LRCH1: variants seen among roughly 807,000 people sequenced by gnomAD.
LRCH1 encodes the protein leucine rich repeats and calponin homology domain containing 1.
A neutral mutation model predicts 94.9 loss-of-function variants in LRCH1; 23 were observed. The ratio of observed to expected loss-of-function variants is 0.24; its 90% CI spans 0.17 to 0.34. LRCH1 has a LOEUF of 0.34. Among genes scored for constraint, LRCH1 ranks in the 10% least tolerant of loss-of-function variants. The pLI is 1.00. For synonymous variants in LRCH1, 364 were observed against 354.9 expected (o/e 1.03, Z -0.29); for missense variants, 790 against 945.9 (o/e 0.84, Z 2.16).
At position 46,642,115 on chromosome 13, in the gene LRCH1, C is replaced by T. The variant is rs557039911; in HGVS notation, c.308-8086C>T. 9.3e-4 allele frequency among the ~76,000 whole-genome samples: 141 copies of T among 152,306 alleles called. 1 individual carries two copies. Among genetic ancestry groups the T allele is most frequent in the African/African-American group, 3.1e-3 (128 of 41,572 alleles). ...CCCATTGTGGGTTGGATGGAGGATA[C>T]GTGGCACTAAAGACATGTGCTCTTC... On this transcript the variant is annotated intron_variant, in intron 1 of 19. Transcript: ENST00000389797.
At position 46,681,852 on chromosome 13, in the gene LRCH1, A is replaced by G; in HGVS notation, c.685+6A>G. 1 of 1,570,196 alleles carries G rather than the reference A, an allele frequency of 6.4e-7. No homozygotes were observed. The highest frequency in any genetic ancestry group is 8.8e-7 in the Non-Finnish European group (1 of 1,141,154). ...CCTTAAAGTTTTACCACAAGGTAAA[A>G]AAGAAAGAGGGAAAATGAAGAAAAT... On this transcript the variant is annotated splice_donor_region_variant and intron_variant, in intron 4 of 19. Transcript: ENST00000389797.
At chr13:46,700,966 C>T (rs1871435114) in intron 10 of LRCH1, among the ~76,000 whole-genome samples, 155 bp from the exon 11 acceptor site, 1 of 152,244 alleles carries the variant, frequency 6.6e-6, no homozygotes, top group Non-Finnish European at 1.5e-5. Context: ...CCATCCCACC[C>T]CACAAGGTAC....
chr13:46,736,567 A>G (rs1873396088), intron 19 of LRCH1, among the ~76,000 whole-genome samples: 1 of 152,192 alleles, frequency 6.6e-6, no homozygotes, highest in South Asian at 2.1e-4. Flanking sequence ...GAAATTCTCC[A>G]TCTATAATTA....
chr13:46,634,415 G>A lies in LRCH1; in HGVS notation c.308-15786G>A, dbSNP rs371179117. On this transcript the variant is annotated intron_variant, in intron 1 of 19. Coordinates refer to ENST00000389797, the MANE Select transcript of LRCH1 (RefSeq NM_001164211.2). ...CTTTGTAACCATGGCCTCTAGAGCT[G>A]GCTCCCTGGATCCCTACTGGCCATC... is the stretch of plus-strand genomic sequence containing the variant. Among the ~76,000 whole-genome samples the A allele has an allele frequency of 5.2e-4, 79 of 152,302 alleles. No homozygotes were observed. In the South Asian group the frequency reaches 0.016, roughly 31 times the overall value.
chr13:46,729,869 A>C (rs1287189663), intron 18 of LRCH1, among the ~76,000 whole-genome samples: 1 of 152,160 alleles, frequency 6.6e-6, no homozygotes, highest in African/African-American at 2.4e-5. Context: ...GCACTCAAGG[A>C]CTCATTGGTG....
chr13:46,678,509 A>G (rs2051707127), intron 3 of LRCH1, among the ~76,000 whole-genome samples: 1 of 152,216 alleles, frequency 6.6e-6, no homozygotes, highest in Admixed American at 6.5e-5. Context: ...GTAATTGACA[A>G]CAGTGCAGAG....
chr13:46,572,840 G>A (rs972683015), intron 1 of LRCH1, among the ~76,000 whole-genome samples: 1 of 151,912 alleles, frequency 6.6e-6, no homozygotes, highest in Admixed American at 6.6e-5. Context: ...TTGCCCATGA[G>A]CCCATCCCTT....
chr13:46,721,868 A>G (rs1197615396), intron 16 of LRCH1, among the ~76,000 whole-genome samples: 1 of 152,218 alleles, frequency 6.6e-6, no homozygotes. Flanking sequence ...AGAGCATCAG[A>G]ATGTGAATTC....
intron 5 of LRCH1, among the ~76,000 whole-genome samples, chr13:46,687,342 C>T (rs932903997): frequency 1.3e-5 from 2 of 152,166 alleles, no homozygotes; most frequent in Non-Finnish European, 2.9e-5. Context: ...AGACAAGTCT[C>T]CAGCTCAAAT....
At chr13:46,694,509 A>G (rs931235153) in intron 8 of LRCH1, among the ~76,000 whole-genome samples, 17 of 152,220 alleles carry the variant, frequency 1.1e-4, no homozygotes, top group Non-Finnish European at 4.4e-5. Context: ...AATGTTTAGC[A>G]TAATACCTGC....
chr13:46,569,840 A>T (rs1222843477), intron 1 of LRCH1, among the ~76,000 whole-genome samples: 1 of 152,120 alleles, frequency 6.6e-6, no homozygotes, highest in African/African-American at 2.4e-5. Flanking sequence ...TAAAATAAAC[A>T]AAACAAAACA....
chr13:46,574,244 G>A (rs982900140), intron 1 of LRCH1, among the ~76,000 whole-genome samples: 6 of 151,994 alleles, frequency 3.9e-5, no homozygotes, highest in Admixed American at 6.6e-5. Context: ...TGCTTGAAAT[G>A]ATGGATACCC....
intron 1 of LRCH1, among the ~76,000 whole-genome samples, chr13:46,626,141 A>G (rs1204940941): frequency 2.0e-5 from 3 of 152,180 alleles, no homozygotes; most frequent in Admixed American, 6.5e-5. Context: ...ATGACATATT[A>G]TATGCAAAAT....
rs2050182182 is a variant in LRCH1 at position 46,566,175 on chromosome 13, G to A, written c.307+12472G>A. On this transcript the variant is annotated intron_variant, in intron 1 of 19. Transcript: ENST00000389797. ...CATTGACAGTCTCTTCATGTTCTTG[G>A]CAAAGAACAATTTATGAATAATTTT... 2.0e-5 allele frequency among the ~76,000 whole-genome samples: 3 copies of A among 152,154 alleles called. No homozygotes were observed. The South Asian group carries it at 6.2e-4, about 31-fold the overall frequency.
intron 16 of LRCH1, among the ~76,000 whole-genome samples, chr13:46,722,057 C>T (rs1042705993): frequency 6.6e-6 from 1 of 152,158 alleles, no homozygotes; most frequent in Non-Finnish European, 1.5e-5. Flanking sequence ...TATTTAATTT[C>T]TAGAAATCTG....
chr13:46,583,507 CTG>C (rs1013816378), intron 1 of LRCH1, among the ~76,000 whole-genome samples: 2 of 152,250 alleles, frequency 1.3e-5, no homozygotes, highest in African/African-American at 4.8e-5. Context: ...AGAAGCCACT[CTG>C]TGAACATATG....
intron 3 of LRCH1, 60 bp from the exon 4 acceptor site, chr13:46,681,681 T>C: frequency 8.5e-7 from 1 of 1,177,914 alleles, no homozygotes; most frequent in South Asian, 1.2e-5. Context: ...AGATTTCACA[T>C]GAAATGCTTG....
At chr13:46,690,859 G>A (rs1870859013) in intron 7 of LRCH1, among the ~76,000 whole-genome samples, 1 of 152,112 alleles carries the variant, frequency 6.6e-6, no homozygotes, top group Non-Finnish European at 1.5e-5. Context: ...CTATGATCAG[G>A]TGATCTTACT....
chr13:46,743,734 G>GAA lies in LRCH1; in HGVS notation c.*1896_*1897dup, dbSNP rs5803371. On this transcript the variant is annotated 3_prime_UTR_variant, in exon 20 of 20. Coordinates refer to ENST00000389797, the MANE Select transcript of LRCH1 (RefSeq NM_001164211.2). ...TCCCTTCTTTCTGGGGAGAAAATGG[G>GAA]AAAAAAAAAAAGAAAACTTACTGGG... 5.4e-4 allele frequency: 465 copies of GAA among 862,580 alleles called. 3 individuals are homozygous for GAA. In the South Asian group the frequency reaches 0.02, roughly 36 times the overall value. The allele number at this position is 862,580 out of a possible 1,614,324, so 53.4% of individuals were successfully genotyped here. A position where few individuals can be genotyped will look rare whatever the true frequency, so the allele number is the denominator to read the frequency against.
Sources: gnomAD v4.1 joint callset for allele counts (sites outside exome capture counted in the v4.1 genomes callset) on GRCh38, gnomAD v4.1.1 for gene constraint, MANE v1.5 for transcripts, NCBI Gene and HGNC (gene_info 2026-07-23, HGNC 2026-07-21) for gene names.